DOCK1: variants seen among roughly 807,000 people sequenced by gnomAD.
DOCK1 encodes dedicator of cytokinesis protein 1.
In DOCK1, 138 loss-of-function variants were observed where a neutral mutation model predicts 262.7. The observed-to-expected ratio is 0.53, with a 90% CI of 0.46 to 0.61. The LOEUF (loss-of-function observed/expected upper bound fraction) is 0.61, where lower values mean the gene tolerates loss of function less well. Ranked by LOEUF, DOCK1 falls within the 20% of genes least tolerant of loss-of-function variation. The probability of loss-of-function intolerance (pLI) is 0.00; values close to 1 mark genes in which losing one functional copy is unlikely to be tolerated. For missense variants in DOCK1, 1,908 were observed against 2,370.7 expected, an observed-to-expected ratio of 0.80 and a Z score of 4.05; for synonymous variants, 866 against 867.4, an observed-to-expected ratio of 1.00 and a Z score of 0.03.
Position 127,451,574 on chromosome 10 carries a change from C to T in DOCK1, c.*147C>T. 1 of 1,494,014 alleles carries T rather than the reference C, an allele frequency of 6.7e-7. No homozygotes were observed. Among genetic ancestry groups the T allele is most frequent in the South Asian group, 1.3e-5 (1 of 78,436 alleles). The allele number at this position is 1,494,014 out of a possible 1,614,324, so 92.5% of individuals were successfully genotyped here. On this transcript the variant is annotated 3_prime_UTR_variant, in exon 52 of 52. Coordinates refer to ENST00000623213, the MANE Select transcript of DOCK1 (RefSeq NM_001290223.2). ...GCTTTTTCTTCAAAGGAGTTCAGTT[C>T]TCACCATGGAGTGAGTGGCCTTTAG...
chr10:127,338,442 A>G (rs2063291872), intron 29 of DOCK1, among the ~76,000 whole-genome samples: 1 of 152,248 alleles, frequency 6.6e-6, no homozygotes, highest in South Asian at 2.1e-4. Flanking sequence ...TTCTTGTCAA[A>G]TCACTTTCAT....
intron 19 of DOCK1, among the ~76,000 whole-genome samples, chr10:127,041,892 A>G (rs1422695218): frequency 1.3e-5 from 2 of 152,058 alleles, no homozygotes; most frequent in African/African-American, 4.8e-5. Flanking sequence ...CTCTTCTAAT[A>G]CGAATCATCA....
intron 1 of DOCK1, among the ~76,000 whole-genome samples, chr10:126,920,180 ACT>A (rs905412736): frequency 1.5e-3 from 224 of 151,998 alleles, no homozygotes; most frequent in African/African-American, 5.3e-3. Context: ...CAGTTACACG[ACT>A]CTGTATGTTC....
chr10:127,021,960 C>T (rs1041529871), intron 13 of DOCK1, among the ~76,000 whole-genome samples: 4 of 152,020 alleles, frequency 2.6e-5, no homozygotes, highest in Non-Finnish European at 4.4e-5. Flanking sequence ...CTTGGGAGAG[C>T]GGGTGGTCAG....
chr10:127,142,415 T>G (rs2051352911), intron 27 of DOCK1, among the ~76,000 whole-genome samples: 1 of 152,128 alleles, frequency 6.6e-6, no homozygotes, highest in South Asian at 2.1e-4. Flanking sequence ...ATCTGGTGTT[T>G]GTAAAGCATG....
intron 27 of DOCK1, among the ~76,000 whole-genome samples, chr10:127,161,347 C>T (rs1157294163): frequency 3.3e-5 from 5 of 152,268 alleles, no homozygotes; most frequent in South Asian, 2.1e-4. Context: ...TAGTCAAAGG[C>T]GGTACTGGCT....
chr10:127,286,254 T>C (rs2061149431), intron 29 of DOCK1, among the ~76,000 whole-genome samples: 1 of 152,186 alleles, frequency 6.6e-6, no homozygotes, highest in Admixed American at 6.5e-5. Flanking sequence ...AAAAGAAATC[T>C]ATTTTATTTC....
chr10:127,139,679 A>G (rs187303896), intron 27 of DOCK1, among the ~76,000 whole-genome samples: 4 of 152,242 alleles, frequency 2.6e-5, no homozygotes, highest in Non-Finnish European at 5.9e-5. Context: ...TGGGGTTTCC[A>G]CCCTGCCTCT....
intron 29 of DOCK1, among the ~76,000 whole-genome samples, chr10:127,305,868 C>T (rs1268705013): frequency 6.6e-6 from 1 of 152,150 alleles, no homozygotes; most frequent in East Asian, 1.9e-4. Context: ...GACCAGCGAC[C>T]CCTGCTCCTC....
At chr10:127,197,790 G>T (rs1038028742) in intron 27 of DOCK1, among the ~76,000 whole-genome samples, 1 of 152,192 alleles carries the variant, frequency 6.6e-6, no homozygotes, top group Non-Finnish European at 1.5e-5. Context: ...GAGCTGAACT[G>T]AGCCTATCAC....
chr10:127,380,666 T>C (rs2065777269), intron 36 of DOCK1, among the ~76,000 whole-genome samples: 1 of 152,230 alleles, frequency 6.6e-6, no homozygotes, highest in African/African-American at 2.4e-5. Context: ...CCCTTCTCTC[T>C]TGGTTACTTC....
At chr10:127,254,129 C>T (rs1202704909) in intron 28 of DOCK1, among the ~76,000 whole-genome samples, 1 of 152,182 alleles carries the variant, frequency 6.6e-6, no homozygotes, top group Non-Finnish European at 1.5e-5. Flanking sequence ...CATTTGTATT[C>T]AGATTTCCTC....
At chr10:127,196,836 A>G (rs574846386) in intron 27 of DOCK1, among the ~76,000 whole-genome samples, 5 of 151,860 alleles carry the variant, frequency 3.3e-5, no homozygotes, top group African/African-American at 1.2e-4. Flanking sequence ...GCGGCGCTGC[A>G]TGGCCCGGGA....
rs2046483121 is a variant in DOCK1 at position 127,075,650 on chromosome 10, G to A, written c.2445+13874G>A. ...GGGAAGCAAGGACCTTCTTCACATG[G>A]CGGCAGGAGAGAGAGCGGAGGGGGA... On this transcript the variant is annotated intron_variant, in intron 23 of 51. Transcript: ENST00000623213. 2.6e-5 allele frequency among the ~76,000 whole-genome samples: 4 copies of A among 152,232 alleles called. No homozygotes were observed. The South Asian group carries it at 8.3e-4, about 32-fold the overall frequency.
Position 126,956,937 on chromosome 10 carries a change from C to T in DOCK1, c.47-13765C>T, listed in dbSNP as rs945177424. Among the ~76,000 whole-genome samples the T allele has an allele frequency of 1.9e-4, 29 of 152,218 alleles. No individual in the cohort carries two copies. In the East Asian group the frequency reaches 5.3e-3, roughly 28 times the overall value. On this transcript the variant is annotated intron_variant, in intron 1 of 51. Coordinates refer to ENST00000623213, the MANE Select transcript of DOCK1 (RefSeq NM_001290223.2). The stretch of plus-strand genomic sequence containing the variant: ...ATTCTCTCTAGGGTCCTAGAGGAGG[C>T]TCAGGCCAGAGCCCACAGGGAGGAG...
intron 27 of DOCK1, among the ~76,000 whole-genome samples, chr10:127,198,662 A>G (rs901521437): frequency 6.6e-6 from 1 of 152,170 alleles, no homozygotes; most frequent in African/African-American, 2.4e-5. Flanking sequence ...CTGTAGCATC[A>G]TCAGGACTGC....
chr10:127,333,760 C>T (rs909795686), intron 29 of DOCK1, among the ~76,000 whole-genome samples: 15 of 152,310 alleles, frequency 9.8e-5, no homozygotes, highest in Admixed American at 2.0e-4. Context: ...CTCCCAAAGA[C>T]GCGCAGAACT....
chr10:126,934,523 C>T (rs1174263452), intron 1 of DOCK1, among the ~76,000 whole-genome samples: 14 of 152,226 alleles, frequency 9.2e-5, no homozygotes, highest in South Asian at 2.1e-4. Flanking sequence ...TACCCAAAGA[C>T]GAGTTATAAC....
intron 33 of DOCK1, among the ~76,000 whole-genome samples, chr10:127,372,908 T>C (rs1185039107): frequency 6.6e-6 from 1 of 152,202 alleles, no homozygotes; most frequent in Non-Finnish European, 1.5e-5. Context: ...CACAAGTTGA[T>C]GGTAACCTCA....
Sources: allele counts gnomAD v4.1 joint callset (sites outside exome capture counted in the v4.1 genomes callset), GRCh38; gene constraint gnomAD v4.1.1; transcripts MANE v1.5; gene names NCBI Gene and HGNC (gene_info 2026-07-23, HGNC 2026-07-21).